MFSD8: variants seen among roughly 807,000 people sequenced by gnomAD.
MFSD8 encodes the protein major facilitator superfamily domain containing 8.
Under a neutral mutation model 66.4 loss-of-function variants are expected in MFSD8, and 55 were observed. The ratio of observed to expected loss-of-function variants is 0.83; its 90% CI spans 0.67 to 1.04. The LOEUF (loss-of-function observed/expected upper bound fraction) is 1.04, where lower values mean the gene tolerates loss of function less well. MFSD8 is among the 50% of genes least tolerant of loss of function. MFSD8 has a pLI of 0.00. For synonymous variants in MFSD8, 202 were observed against 212.8 expected (o/e 0.95, Z 0.44); for missense variants, 550 against 627.6 (o/e 0.88, Z 1.32).
chr4:127,920,899 GA>G, intron 11 of MFSD8, 63 bp from the exon 12 acceptor site: 1 of 1,492,422 alleles, frequency 6.7e-7, no homozygotes, highest in Admixed American at 1.9e-5. Flanking sequence ...TAAAAGCAAA[GA>G]AATGGTATTA....
At chr4:127,960,725 C>T (rs565718890) in intron 1 of MFSD8, among the ~76,000 whole-genome samples, 29 of 152,172 alleles carry the variant, frequency 1.9e-4, no homozygotes, top group Non-Finnish European at 3.4e-4. Context: ...TCATTTGTAA[C>T]TTGGATCAGT....
At chr4:127,958,547 A>ATAT (rs1491312106) in intron 1 of MFSD8, among the ~76,000 whole-genome samples, 1 of 152,210 alleles carries the variant, frequency 6.6e-6, no homozygotes, top group East Asian at 1.9e-4. Flanking sequence ...TATGCCAAAC[A>ATAT]TATTAGTTCC....
chr4:127,954,240 T>G (rs1742496443), intron 2 of MFSD8, among the ~76,000 whole-genome samples: 1 of 152,232 alleles, frequency 6.6e-6, no homozygotes, highest in African/African-American at 2.4e-5. Flanking sequence ...TTAAAATACA[T>G]CAAGCAATAC....
At chr4:127,929,228 C>T (rs943203980) in intron 9 of MFSD8, among the ~76,000 whole-genome samples, 9 of 137,852 alleles carry the variant, frequency 6.5e-5, no homozygotes, top group Admixed American at 5.0e-4. Flanking sequence ...GAGGCTGAGG[C>T]GTGAGAATCG....
intron 9 of MFSD8, among the ~76,000 whole-genome samples, chr4:127,922,353 G>C (rs1308478185): frequency 6.6e-6 from 1 of 152,212 alleles, no homozygotes; most frequent in Non-Finnish European, 1.5e-5. Context: ...GCCTGGTGTA[G>C]TGGCTCACAC....
chr4:127,919,449 G>A lies in MFSD8; in HGVS notation c.*1181C>T, dbSNP rs545446816. On this transcript the variant is annotated 3_prime_UTR_variant, in exon 12 of 12. Coordinates refer to ENST00000641686, the MANE Select transcript of MFSD8 (RefSeq NM_001371596.2). ...GAAATATTTTTGCATTTTCTTAACA[G>A]TGCTTATCAATATACATAGTTATCT... 6.6e-6 allele frequency: 1 copy of A among 152,316 alleles called. No individual in the cohort carries two copies. The highest frequency in any genetic ancestry group is 1.5e-5 in the Non-Finnish European group (1 of 68,018). 9.4% of individuals were successfully genotyped at this position (152,316 alleles called of 1,614,324 possible). A position where few individuals can be genotyped will look rare whatever the true frequency, so the allele number is the denominator to read the frequency against.
intron 3 of MFSD8, among the ~76,000 whole-genome samples, chr4:127,944,506 C>T (rs907977361): frequency 2.0e-5 from 3 of 152,086 alleles, no homozygotes; most frequent in South Asian, 2.1e-4. Flanking sequence ...TAAATTCTTC[C>T]GTTCTATATA....
Position 127,938,599 on chromosome 4 carries a change from AT to A in MFSD8, c.754+183del, listed in dbSNP as rs1417015917. Among the ~76,000 whole-genome samples, 1,874 of 123,786 alleles carry A rather than the reference AT, an allele frequency of 0.015. 87 individuals are homozygous for A. Among genetic ancestry groups the A allele is most frequent in the African/African-American group, 0.063 (1,744 of 27,600 alleles). The allele number at this position is 123,786 out of a possible 152,430, so 81.2% of individuals were successfully genotyped here. ...CTCTGTCTCAAAAAAAAAAAAATAA[AT>A]AAATAAATAAATAAATAAATAAATA... On this transcript the variant is annotated intron_variant, in intron 7 of 11. Transcript: ENST00000641686.
intron 9 of MFSD8, among the ~76,000 whole-genome samples, chr4:127,925,954 C>G (rs1737132516): frequency 6.6e-6 from 1 of 152,026 alleles, no homozygotes; most frequent in African/African-American, 2.4e-5. Context: ...ATGGATGAAG[C>G]TGGAAACCAT....
intron 3 of MFSD8, among the ~76,000 whole-genome samples, chr4:127,949,062 A>G (rs1741525336): frequency 6.6e-6 from 1 of 152,266 alleles, no homozygotes; most frequent in African/African-American, 2.4e-5. Context: ...GTGATCAACA[A>G]TTAAGTAATT....
intron 9 of MFSD8, among the ~76,000 whole-genome samples, chr4:127,930,416 A>G (rs1006090923): frequency 1.3e-5 from 2 of 152,236 alleles, no homozygotes; most frequent in African/African-American, 4.8e-5. Context: ...ATTACAATAC[A>G]GTAGAACAAT....
intron 5 of MFSD8, among the ~76,000 whole-genome samples, chr4:127,940,590 G>C (rs1164876334): frequency 6.9e-6 from 1 of 145,206 alleles, no homozygotes; most frequent in Non-Finnish European, 1.5e-5. Context: ...TTATATACAA[G>C]TAAAATGAAA....
intron 4 of MFSD8, among the ~76,000 whole-genome samples, chr4:127,943,044 G>T (rs1022792940): frequency 6.6e-6 from 1 of 151,866 alleles, no homozygotes; most frequent in Non-Finnish European, 1.5e-5. Context: ...TGGTGAAACT[G>T]CGTCTCTACT....
In MFSD8 at chr4:127,921,957, G is replaced by A. The variant is rs772735057; in HGVS notation, c.1005C>T (p.Gly335=). The change falls in exon 10 of 12, where the codon GGC becomes GGT. Residue 335 remains glycine (G), a synonymous_variant. Transcript: ENST00000641686. Reference sequence around the variant, plus strand: ...GTCCTCCCAGTAGAATAGCACGCTCGCCAATCCTGTTAAAGAACAGAAACT... The same window carrying A: ...GTCCTCCCAGTAGAATAGCACGCTCACCAATCCTGTTAAAGAACAGAAACT... The part of the protein sequence containing the change: ...LGVKLLSKKI[G]ERAILLGGLI... 7 of 1,613,292 alleles carry A rather than the reference G, an allele frequency of 4.3e-6. No homozygotes were observed. The highest frequency in any genetic ancestry group is 2.7e-5 in the African/African-American group (2 of 74,886).
At chr4:127,963,022 A>G (rs72616974) in intron 1 of MFSD8, among the ~76,000 whole-genome samples, 4,610 of 152,294 alleles carry the variant, frequency 0.03, 301 homozygotes, top group East Asian at 0.27. Flanking sequence ...TATTTCAAAT[A>G]AAATAGTAAT....
intron 7 of MFSD8, among the ~76,000 whole-genome samples, chr4:127,934,956 G>C (rs1006532545): frequency 8.2e-6 from 1 of 121,244 alleles, no homozygotes; most frequent in African/African-American, 3.0e-5. Context: ...TGGGTGGGGG[G>C]GCTTTCCTAA....
chr4:127,959,760 G>T (rs959242036), intron 1 of MFSD8, among the ~76,000 whole-genome samples: 1 of 152,108 alleles, frequency 6.6e-6, no homozygotes, highest in Non-Finnish European at 1.5e-5. Flanking sequence ...AAAATAAAAA[G>T]ATTTACTTTT....
intron 9 of MFSD8, among the ~76,000 whole-genome samples, chr4:127,928,863 G>A (rs973521156): frequency 2.0e-5 from 3 of 152,072 alleles, no homozygotes; most frequent in Non-Finnish European, 4.4e-5. Context: ...TGGATGAATG[G>A]ATAAATGTGG....
At chr4:127,964,748 G>A (rs1043919760) in intron 1 of MFSD8, 4 of 471,498 alleles carry the variant, frequency 8.5e-6, no homozygotes, top group African/African-American at 5.9e-5. Flanking sequence ...AGGCAGAGGA[G>A]GCCTGGAGAG....
Sources: gnomAD v4.1 joint callset for allele counts (sites outside exome capture counted in the v4.1 genomes callset) on GRCh38, gnomAD v4.1.1 for gene constraint, MANE v1.5 for transcripts, NCBI Gene and HGNC (gene_info 2026-07-23, HGNC 2026-07-21) for gene names.